Variants in MAP7D2 observed in about 807,000 individuals in gnomAD.
MAP7D2 encodes the protein MAP7 domain-containing protein 2.
A neutral mutation model predicts 63.5 loss-of-function variants in MAP7D2; 33 were observed. The ratio of observed to expected loss-of-function variants is 0.52; its 90% CI spans 0.39 to 0.70. The LOEUF (loss-of-function observed/expected upper bound fraction) is 0.70, where lower values mean the gene tolerates loss of function less well. Among genes scored for constraint, MAP7D2 ranks in the 30% least tolerant of loss-of-function variants. The pLI is 0.00. For missense variants in MAP7D2, 626 were observed against 604.0 expected (o/e 1.04, Z -0.38); for synonymous variants, 224 against 223.7 (o/e 1.00, Z -0.01).
chrX:20,030,349 C>T (rs2074008745), intron 8 of MAP7D2, among the ~76,000 whole-genome samples: 1 of 112,112 alleles, frequency 8.9e-6, no homozygotes, highest in Admixed American at 9.4e-5. Context: ...ACTTTTTTAG[C>T]TCTTCCACTT....
At chrX:20,063,357 C>G in intron 3 of MAP7D2, 57 bp downstream of exon 3, 1 of 1,171,638 alleles carries the variant, frequency 8.5e-7, no homozygotes, top group Non-Finnish European at 1.1e-6. Flanking sequence ...TGCCCAGGCA[C>G]TCTGAGCAGC....
rs976488505 is a variant in MAP7D2 at position 20,110,315 on chromosome X, C to T, written c.130+6435G>A. On this transcript the variant is annotated intron_variant, in intron 1 of 16. Coordinates refer to ENST00000379643, the MANE Select transcript of MAP7D2 (RefSeq NM_001168465.2). ...CCAGCCTGGCCAACGTGGTGAAACCCGATCTCTACTAAAAATACAAAAAAT... is the reference window on the plus strand; with the variant it reads ...CCAGCCTGGCCAACGTGGTGAAACCTGATCTCTACTAAAAATACAAAAAAT... 2.7e-5 allele frequency among the ~76,000 whole-genome samples: 3 copies of T among 109,180 alleles called. No homozygotes were observed. The Admixed American group carries it at 3.0e-4, about 11-fold the overall frequency. The allele number at this position is 109,180 out of a possible 115,157, so 94.8% of individuals were successfully genotyped here.
chrX:20,087,093 G>A (rs962879832), intron 1 of MAP7D2, among the ~76,000 whole-genome samples: 2 of 112,219 alleles, frequency 1.8e-5, no homozygotes, highest in African/African-American at 6.5e-5. Flanking sequence ...ACACATTGGT[G>A]GGGGGAGTGA....
At chrX:20,096,722 G>T (rs1000991722) in intron 1 of MAP7D2, among the ~76,000 whole-genome samples, 1 of 111,289 alleles carries the variant, frequency 9.0e-6, no homozygotes, top group Admixed American at 9.5e-5. Flanking sequence ...CATTGTGAAT[G>T]TATTTAATGC....
intron 5 of MAP7D2, among the ~76,000 whole-genome samples, chrX:20,051,187 G>A (rs2064938724): frequency 9.0e-6 from 1 of 111,479 alleles, no homozygotes; most frequent in African/African-American, 3.3e-5. Context: ...CATTCAATAT[G>A]CTATTGCAGT....
intron 3 of MAP7D2, among the ~76,000 whole-genome samples, chrX:20,061,429 G>T (rs1212953954): frequency 8.9e-6 from 1 of 112,293 alleles, no homozygotes; most frequent in Non-Finnish European, 1.9e-5. Flanking sequence ...CTGAGGGCAG[G>T]AGCAGGTGGC....
Position 20,063,426 on chromosome X carries a change from G to C in MAP7D2, c.360C>G (p.Leu120=). The change falls in exon 3 of 17, where the codon CTC becomes CTG. Residue 120 remains leucine, a synonymous_variant. Transcript: ENST00000379643. ...AAVEEKRKQK[L]REEEERLEAM... is the part of the protein sequence containing the mutation. ...ACCTGGGCCTTACCTCCTCCTCCCG[G>C]AGCTTCTGTTTCCTTTTCTCTTCCA... The C allele has an allele frequency of 5.8e-6, 7 of 1,211,050 alleles. No individual in the cohort carries two copies. The highest frequency in any genetic ancestry group is 7.8e-6 in the Non-Finnish European group (7 of 895,265).
At chrX:20,064,890 C>T in intron 1 of MAP7D2, 85 bp from the exon 2 acceptor site, 4 of 777,624 alleles carry the variant, frequency 5.1e-6, no homozygotes, top group Non-Finnish European at 3.9e-6. Flanking sequence ...GCATGGCACC[C>T]GAGTCTGACT....
At chrX:20,115,015 C>T (rs2066852172) in intron 1 of MAP7D2, among the ~76,000 whole-genome samples, 1 of 111,936 alleles carries the variant, frequency 8.9e-6, no homozygotes, top group Non-Finnish European at 1.9e-5. Flanking sequence ...TTAAACATTC[C>T]AATTTTACCA....
intron 1 of MAP7D2, among the ~76,000 whole-genome samples, chrX:20,089,707 T>C (rs757638897): frequency 1.8e-5 from 2 of 112,708 alleles, no homozygotes; most frequent in Non-Finnish European, 3.7e-5. Flanking sequence ...TCCAACGTTT[T>C]AGATCATTAA....
chrX:20,082,374 T>C (rs2148452807), intron 1 of MAP7D2, among the ~76,000 whole-genome samples: 1 of 111,812 alleles, frequency 8.9e-6, no homozygotes, highest in South Asian at 3.7e-4. Context: ...AAAAATATTT[T>C]TTTAATTAGA....
At chrX:20,050,270 C>T (rs2064911961) in intron 6 of MAP7D2, among the ~76,000 whole-genome samples, 1 of 111,739 alleles carries the variant, frequency 8.9e-6, no homozygotes, top group East Asian at 2.8e-4. Flanking sequence ...CTCCTAGATG[C>T]TGCTGCCATT....
chrX:20,015,680 A>G (rs2073361129), intron 11 of MAP7D2, among the ~76,000 whole-genome samples: 1 of 112,500 alleles, frequency 8.9e-6, no homozygotes, highest in African/African-American at 3.2e-5. Context: ...GATGTGGTAG[A>G]TAAGTAGTTC....
At chrX:20,038,751 C>T (rs745573923) in intron 8 of MAP7D2, among the ~76,000 whole-genome samples, 7 of 111,757 alleles carry the variant, frequency 6.3e-5, no homozygotes, top group Non-Finnish European at 1.3e-4. Context: ...GCCCCCTGGA[C>T]ACTTTAAGCT....
intron 1 of MAP7D2, among the ~76,000 whole-genome samples, chrX:20,105,405 G>A (rs1413877009): frequency 8.1e-5 from 9 of 111,288 alleles, no homozygotes; most frequent in Non-Finnish European, 3.8e-5. Context: ...AGACAAGCTG[G>A]TCTGGGAAGG....
intron 1 of MAP7D2, among the ~76,000 whole-genome samples, chrX:20,094,120 G>A (rs768647503): frequency 1.8e-5 from 2 of 110,620 alleles, no homozygotes; most frequent in South Asian, 7.7e-4. Flanking sequence ...AAATATTTAA[G>A]GCATTTATTA....
intron 1 of MAP7D2, among the ~76,000 whole-genome samples, chrX:20,090,168 T>C (rs890670753): frequency 9.0e-6 from 1 of 110,960 alleles, no homozygotes; most frequent in East Asian, 2.8e-4. Flanking sequence ...TAATGTGTCA[T>C]AAACTTGTAG....
chrX:20,068,102 C>A (rs1279821385), intron 1 of MAP7D2, among the ~76,000 whole-genome samples: 2 of 112,270 alleles, frequency 1.8e-5, no homozygotes, highest in Non-Finnish European at 3.8e-5. Context: ...TCAGTTTTAT[C>A]CCACTGAAAG....
chrX:20,012,319 G>A (rs759876167), intron 15 of MAP7D2, 30 bp downstream of exon 15: 13 of 1,084,236 alleles, frequency 1.2e-5, no homozygotes, highest in Non-Finnish European at 1.6e-5. Flanking sequence ...GAGAAGTGAT[G>A]AGGCTTAAAT....
Sources: gnomAD v4.1 joint callset for allele counts (sites outside exome capture counted in the v4.1 genomes callset) on GRCh38, gnomAD v4.1.1 for gene constraint, MANE v1.5 for transcripts, NCBI Gene and HGNC (gene_info 2026-07-23, HGNC 2026-07-21) for gene names.